PLD1: variants seen among roughly 807,000 people sequenced by gnomAD.
PLD1 encodes the protein choline phosphatase 1.
In PLD1, 112 loss-of-function variants were observed where a neutral mutation model predicts 137.1. The observed-to-expected ratio is 0.82, with a 90% CI of 0.70 to 0.96. PLD1 has a LOEUF of 0.96. Among genes scored for constraint, PLD1 ranks in the 40% least tolerant of loss-of-function variants. The probability of loss-of-function intolerance (pLI) is 0.00; values close to 1 mark genes in which losing one functional copy is unlikely to be tolerated. For missense variants in PLD1, 1,321 were observed against 1,342.0 expected (o/e 0.98, Z 0.24); for synonymous variants, 431 against 454.7 (o/e 0.95, Z 0.66).
intron 20 of PLD1, 26 bp downstream of exon 20, chr3:171,662,034 C>T (rs1333372695): frequency 3.0e-6 from 4 of 1,338,248 alleles, no homozygotes; most frequent in East Asian, 2.3e-5. Context: ...CAGTTTCTCA[C>T]ACGAATTTAC....
At chr3:171,649,013 A>G (rs1736501617) in intron 21 of PLD1, among the ~76,000 whole-genome samples, 1 of 152,192 alleles carries the variant, frequency 6.6e-6, no homozygotes, top group Admixed American at 6.5e-5. Flanking sequence ...TAACAAAAGT[A>G]ATTTTTCACA....
At chr3:171,708,959 A>C in intron 10 of PLD1, 121 bp from the exon 11 acceptor site, 1 of 621,868 alleles carries the variant, frequency 1.6e-6, no homozygotes, top group Non-Finnish European at 2.8e-6. Context: ...CATAACCACC[A>C]TTGACTTTGT....
rs554973563 is a variant in PLD1, at chr3:171,666,066, C to T, written c.2230-3896G>A. Among the ~76,000 whole-genome samples, 8 of 152,286 alleles carry T rather than the reference C, an allele frequency of 5.3e-5. No individual in the cohort carries two copies. In the East Asian group the frequency reaches 1.3e-3, roughly 26 times the overall value. On this transcript the variant is annotated intron_variant, in intron 19 of 26. Coordinates refer to ENST00000351298, the MANE Select transcript of PLD1 (RefSeq NM_002662.5). ...AATTTCCTTCTTGCTCTGCCTAGAC[C>T]ATTGAACTACAGGCAGGGAACCCTG...
intron 1 of PLD1, among the ~76,000 whole-genome samples, chr3:171,798,782 T>C (rs1723526990): frequency 6.6e-6 from 1 of 152,190 alleles, no homozygotes; most frequent in Admixed American, 6.5e-5. Flanking sequence ...GCTCTGGACA[T>C]ATTACCTGAC....
At chr3:171,732,430 G>A (rs1168838648) in intron 6 of PLD1, among the ~76,000 whole-genome samples, 1 of 152,184 alleles carries the variant, frequency 6.6e-6, no homozygotes, top group Admixed American at 6.5e-5. Flanking sequence ...CCTGGATCCA[G>A]GTCACCTGTG....
chr3:171,720,309 A>G (rs947470129), intron 8 of PLD1, among the ~76,000 whole-genome samples: 12 of 150,684 alleles, frequency 8.0e-5, no homozygotes, highest in Non-Finnish European at 1.5e-4. Context: ...AAAAAAAAAA[A>G]AAAAGGCCGG....
Position 171,734,900 on chromosome 3 carries a change from T to C in PLD1, c.505A>G (p.Asn169Asp). 1.2e-6 allele frequency: 2 copies of C among 1,612,782 alleles called. No individual in the cohort carries two copies. Among genetic ancestry groups the C allele is most frequent in the Non-Finnish European group, 1.7e-6 (2 of 1,178,750 alleles). The change falls in exon 5 of 27, where the codon AAC (asparagine) becomes GAC (aspartate). Residue 169 changes from asparagine to aspartate, a missense_variant. By Grantham distance (23) the Asn-to-Asp change is conservative. Coordinates refer to ENST00000351298, the MANE Select transcript of PLD1 (RefSeq NM_002662.5). ...AGGAATTGTTCTTCTCTTATCATGTTTTCAGATGAACGGGGCAAACTGGGC... is the reference window on the plus strand; with the variant it reads ...AGGAATTGTTCTTCTCTTATCATGTCTTCAGATGAACGGGGCAAACTGGGC... ...EMPSLPRSSENMIREEQFLGR... is the reference protein window; with the variant it reads ...EMPSLPRSSEDMIREEQFLGR...
intron 1 of PLD1, among the ~76,000 whole-genome samples, chr3:171,785,893 TAC>T (rs1722994911): frequency 6.6e-6 from 1 of 152,234 alleles, no homozygotes; most frequent in South Asian, 2.1e-4. Flanking sequence ...CTGTACTCTC[TAC>T]AGTGATTTAC....
Position 171,612,472 on chromosome 3 carries a change from G to A in PLD1, c.2729-40C>T. The A allele has an allele frequency of 1.3e-6, 2 of 1,597,112 alleles. No homozygotes were observed. Among genetic ancestry groups the A allele is most frequent in the Non-Finnish European group, 1.7e-6 (2 of 1,165,258 alleles). On this transcript the variant is annotated intron_variant, in intron 24 of 26. Coordinates refer to ENST00000351298, the MANE Select transcript of PLD1 (RefSeq NM_002662.5). This position sits in a 1 kb window ranked among gnomAD's most constrained non-coding sequence, Gnocchi z 4.1. ...AGTGAGGCTGAACAACCTTCCTGTT[G>A]TGGCAGACACTGTTGGTTGCCCTCC...
intron 1 of PLD1, among the ~76,000 whole-genome samples, chr3:171,754,468 T>C (rs1720876485): frequency 6.6e-6 from 1 of 152,166 alleles, no homozygotes; most frequent in Non-Finnish European, 1.5e-5. Flanking sequence ...TGAGACTCAG[T>C]CCTGACCCCT....
chr3:171,668,174 C>T (rs1411600595), intron 19 of PLD1, among the ~76,000 whole-genome samples: 3 of 152,168 alleles, frequency 2.0e-5, no homozygotes, highest in Admixed American at 6.5e-5. Context: ...AAAGGGTTAG[C>T]ACAGTGCCAA....
chr3:171,640,866 A>T (rs1735675209), intron 23 of PLD1, among the ~76,000 whole-genome samples: 1 of 152,238 alleles, frequency 6.6e-6, no homozygotes, highest in Non-Finnish European at 1.5e-5. Context: ...ATTTTTAGTC[A>T]GCTTCTTGCT....
chr3:171,623,934 A>G (rs1460933669), intron 23 of PLD1, among the ~76,000 whole-genome samples: 1 of 152,026 alleles, frequency 6.6e-6, no homozygotes, highest in Non-Finnish European at 1.5e-5. Flanking sequence ...AAGTGTTAGA[A>G]GAAAGCAAGG....
rs538356568 is a variant in PLD1, at chr3:171,694,287, G to A, written c.1228-1845C>T. Among the ~76,000 whole-genome samples the A allele has an allele frequency of 2.0e-5, 3 of 152,064 alleles. No individual in the cohort carries two copies. The East Asian group carries it at 5.8e-4, about 29-fold the overall frequency. On this transcript the variant is annotated intron_variant, in intron 12 of 26. Transcript: ENST00000351298. ...TGTCATACTATTTCTCTGGTTAACA[G>A]CTGGCTTTTAGTACTTGCTAATTAT...
chr3:171,679,550 A>G (rs1262101360), intron 16 of PLD1, among the ~76,000 whole-genome samples: 1 of 152,232 alleles, frequency 6.6e-6, no homozygotes, highest in Non-Finnish European at 1.5e-5. Flanking sequence ...TATAAAATAC[A>G]CATATACAAT....
chr3:171,634,524 C>T (rs1184317726), intron 23 of PLD1, among the ~76,000 whole-genome samples: 1 of 152,112 alleles, frequency 6.6e-6, no homozygotes, highest in Non-Finnish European at 1.5e-5. Flanking sequence ...GTCCTAGATA[C>T]AATGAGATGC....
chr3:171,735,522 G>A lies in PLD1; in HGVS notation c.404C>T (p.Ala135Val), dbSNP rs990731455. ...EFHRELLKYK[A>V]FIRIPIPTRR... Reference sequence around the variant, plus strand: ...AGTGGGAATGGGGATGCGGATAAAGGCTTTGTACTTGAGCAGCTCTCTGTG... The same window carrying A: ...AGTGGGAATGGGGATGCGGATAAAGACTTTGTACTTGAGCAGCTCTCTGTG... The change falls in exon 4 of 27, where the codon GCC becomes GTC. Residue 135 changes from alanine (A) to valine (V), a missense_variant. Ala to Val is a moderately conservative substitution (Grantham distance 64). Coordinates refer to ENST00000351298, the MANE Select transcript of PLD1 (RefSeq NM_002662.5). The A allele has an allele frequency of 6.2e-7, 1 of 1,613,484 alleles. No homozygotes were observed. The highest frequency in any genetic ancestry group is 2.2e-5 in the East Asian group (1 of 44,876).
chr3:171,740,511 A>G (rs1719702271), intron 1 of PLD1, among the ~76,000 whole-genome samples: 1 of 152,194 alleles, frequency 6.6e-6, no homozygotes, highest in Non-Finnish European at 1.5e-5. Flanking sequence ...AGACTTATTA[A>G]CTTTGCCAAC....
chr3:171,605,406 C>T lies in PLD1; in HGVS notation c.2893G>A (p.Gly965Ser). The change falls in exon 26 of 27, where the codon GGC becomes AGC. Residue 965 changes from glycine (G) to serine (S), a missense_variant. Coordinates refer to ENST00000351298, the MANE Select transcript of PLD1 (RefSeq NM_002662.5). Reference sequence around the variant, plus strand: ...TCCTCACTTGGGTCATCAAGATAGCCAAGGACAACCCTGAAATACAAGTGA... The same window carrying T: ...TCCTCACTTGGGTCATCAAGATAGCTAAGGACAACCCTGAAATACAAGTGA... ...LRLQCFRVVLGYLDDPSEDIQ... is the reference protein window; with the variant it reads ...LRLQCFRVVLSYLDDPSEDIQ... The T allele has an allele frequency of 6.2e-7, 1 of 1,604,862 alleles. No individual in the cohort carries two copies. The highest frequency in any genetic ancestry group is 1.7e-5 in the Admixed American group (1 of 59,990).
Sources: gnomAD v4.1 joint callset for allele counts (sites outside exome capture counted in the v4.1 genomes callset) on GRCh38, gnomAD v4.1.1 for gene constraint, Gnocchi (gnomAD v3.1) non-coding constraint, MANE v1.5 for transcripts, NCBI Gene and HGNC (gene_info 2026-07-23, HGNC 2026-07-21) for gene names.